The following FAAH2 variants were observed in gnomAD, a reference collection of about 807,000 sequenced individuals.
FAAH2 encodes fatty-acid amide hydrolase 2.
In FAAH2, 60 loss-of-function variants were observed where a neutral mutation model predicts 36.9. The ratio of observed to expected loss-of-function variants is 1.63; its 90% confidence interval spans 1.32 to 2.02. The LOEUF is 2.02. Among genes scored for constraint, FAAH2 ranks in the 30% most tolerant of loss-of-function variants. The probability of loss-of-function intolerance (pLI) is 0.00; values close to 1 mark genes in which losing one functional copy is unlikely to be tolerated. For missense variants in FAAH2, 689 were observed against 397.5 expected, an observed-to-expected ratio of 1.73 and a Z score of -6.23; for synonymous variants, 214 against 143.8, an observed-to-expected ratio of 1.49 and a Z score of -3.49.
At chrX:57,192,776 G>T in the FAAH2 span, among the ~76,000 whole-genome samples, 1 of 111,904 alleles carries the variant, frequency 8.9e-6, no homozygotes, top group South Asian at 3.7e-4. Flanking sequence ...TATTTCTTAT[G>T]CCTGTCTTTA....
At chrX:57,328,685 G>A (rs780141965) in intron 3 of FAAH2, among the ~76,000 whole-genome samples, 64 of 111,528 alleles carry the variant, frequency 5.7e-4, no homozygotes, top group Middle Eastern at 4.7e-3. Context: ...TATTTTTGTG[G>A]GTCTGTTGTT....
chrX:57,213,903 G>A, the FAAH2 span, among the ~76,000 whole-genome samples: 7 of 111,293 alleles, frequency 6.3e-5, no homozygotes, highest in Non-Finnish European at 1.3e-4. Context: ...ATCTATCTAG[G>A]GCTGTCAATG....
chrX:57,285,436 C>T (rs1439009554), upstream of FAAH2, among the ~76,000 whole-genome samples: 1 of 112,171 alleles, frequency 8.9e-6, no homozygotes, highest in African/African-American at 3.2e-5. Context: ...TGACCCTGTT[C>T]TTCGAGGAGT....
the FAAH2 span, among the ~76,000 whole-genome samples, chrX:57,214,731 T>A: frequency 8.9e-6 from 1 of 111,789 alleles, no homozygotes; most frequent in Non-Finnish European, 1.9e-5. Context: ...CTATCCCTAT[T>A]ATGACTTTAC....
chrX:57,292,104 G>T (rs1332894577), intron 1 of FAAH2, among the ~76,000 whole-genome samples: 1 of 110,918 alleles, frequency 9.0e-6, no homozygotes, highest in African/African-American at 3.3e-5. Flanking sequence ...TGGTTTTGCA[G>T]AGTTGATGTA....
the FAAH2 span, among the ~76,000 whole-genome samples, chrX:57,160,487 G>C: frequency 9.0e-6 from 1 of 111,532 alleles, no homozygotes; most frequent in Non-Finnish European, 1.9e-5. Context: ...TTTTTGGTTT[G>C]TAAGCTATTA....
At chrX:57,284,459 G>A (rs898740363), upstream of FAAH2, among the ~76,000 whole-genome samples, 52 of 111,632 alleles carry the variant, frequency 4.7e-4, no homozygotes, top group African/African-American at 1.7e-3. Flanking sequence ...TAAAAAGCAG[G>A]AAATTTAACA....
the FAAH2 span, among the ~76,000 whole-genome samples, chrX:57,248,728 G>C: frequency 2.2e-5 from 2 of 90,351 alleles, no homozygotes; most frequent in Non-Finnish European, 4.3e-5. Context: ...ACTCCAGCCT[G>C]GGCAACAAGA....
At chrX:57,236,037 A>G in the FAAH2 span, among the ~76,000 whole-genome samples, 1 of 111,811 alleles carries the variant, frequency 8.9e-6, no homozygotes, top group African/African-American at 3.3e-5. Flanking sequence ...ACAGTATGCT[A>G]CTCTTTACTT....
intron 10 of FAAH2, among the ~76,000 whole-genome samples, chrX:57,459,649 A>G (rs1602735177): frequency 8.9e-6 from 1 of 112,433 alleles, no homozygotes; most frequent in East Asian, 2.8e-4. Flanking sequence ...CAGAGGAAGA[A>G]GCAGGCAGCA....
At chrX:57,161,682 C>T in the FAAH2 span, among the ~76,000 whole-genome samples, 1 of 111,342 alleles carries the variant, frequency 9.0e-6, no homozygotes, top group African/African-American at 3.3e-5. Context: ...AGGATTGCAA[C>T]CCCTGCCTTT....
chrX:57,415,503 A>G (rs1160465916), intron 7 of FAAH2, among the ~76,000 whole-genome samples: 3 of 112,000 alleles, frequency 2.7e-5, no homozygotes, highest in Non-Finnish European at 5.6e-5. Context: ...ACTCATGAGC[A>G]GGTTGCTCAG....
At chrX:57,293,837 T>TAAA (rs2052057149) in intron 2 of FAAH2, among the ~76,000 whole-genome samples, 1 of 110,473 alleles carries the variant, frequency 9.1e-6, no homozygotes, top group Non-Finnish European at 1.9e-5. Flanking sequence ...GAGAGGGTGC[T>TAAA]TGTGGGTAAA....
chrX:57,247,454 A>T, the FAAH2 span, among the ~76,000 whole-genome samples: 2 of 111,231 alleles, frequency 1.8e-5, no homozygotes, highest in African/African-American at 6.5e-5. Flanking sequence ...ACAGCCATTT[A>T]AAGAAGAGTT....
chrX:57,408,927 G>A (rs976657411), intron 7 of FAAH2, among the ~76,000 whole-genome samples: 2 of 111,229 alleles, frequency 1.8e-5, no homozygotes, highest in Admixed American at 1.9e-4. Flanking sequence ...TTGTAGAAAT[G>A]CATTGTTAGA....
At chrX:57,388,541 C>A (rs2055083110) in intron 7 of FAAH2, among the ~76,000 whole-genome samples, 1 of 111,104 alleles carries the variant, frequency 9.0e-6, no homozygotes, top group South Asian at 3.7e-4. Context: ...GTACAGTGTC[C>A]ATGGGTAGCC....
At chrX:57,150,412 A>C in the FAAH2 span, among the ~76,000 whole-genome samples, 1 of 111,830 alleles carries the variant, frequency 8.9e-6, no homozygotes, top group East Asian at 2.8e-4. Flanking sequence ...TTTGTAGGTC[A>C]CTAAGGACTT....
At chrX:57,147,163 G>T in the FAAH2 span, among the ~76,000 whole-genome samples, 9 of 111,664 alleles carry the variant, frequency 8.1e-5, no homozygotes, top group Non-Finnish European at 1.7e-4. Context: ...ATGTCTGATA[G>T]AATTCAGCTG....
At chrX:57,122,209 T>C in the FAAH2 span, among the ~76,000 whole-genome samples, 2 of 112,149 alleles carry the variant, frequency 1.8e-5, no homozygotes, top group African/African-American at 3.2e-5. Flanking sequence ...TAGTTTTTTT[T>C]CCTTTTTCCT....
Sources: gnomAD v4.1 joint callset for allele counts (sites outside exome capture counted in the v4.1 genomes callset) on GRCh38, gnomAD v4.1.1 for gene constraint, MANE v1.5 for transcripts, NCBI Gene and HGNC (gene_info 2026-07-23, HGNC 2026-07-21) for gene names.